Variants in STK31 observed in about 807,000 individuals in gnomAD.
The protein encoded by STK31 is serine/threonine kinase 31.
STK31 carries 89 observed loss-of-function variants against 129.7 expected under a neutral mutation model. That is an observed-to-expected ratio of 0.69 (90% confidence interval 0.58 to 0.82). The LOEUF (loss-of-function observed/expected upper bound fraction) is 0.82, where lower values mean the gene tolerates loss of function less well. STK31 is among the 40% of genes least tolerant of loss of function. STK31 has a pLI of 0.00. For synonymous variants in STK31, 448 were observed against 395.3 expected, an observed-to-expected ratio of 1.13 and a Z score of -1.58; for missense variants, 1,187 against 1,176.4, an observed-to-expected ratio of 1.01 and a Z score of -0.13.
chr7:23,733,411 G>A (rs933287093), intron 6 of STK31, among the ~76,000 whole-genome samples: 2 of 107,976 alleles, frequency 1.9e-5, no homozygotes, highest in African/African-American at 7.2e-5. Context: ...TTTTTTTTTT[G>A]GGTAGTGATA....
intron 22 of STK31, among the ~76,000 whole-genome samples, chr7:23,793,813 A>G (rs1290401779): frequency 6.6e-6 from 1 of 152,214 alleles, no homozygotes; most frequent in East Asian, 1.9e-4. Flanking sequence ...ACTTTGAAAA[A>G]CATTTGGCAG....
At chr7:23,825,279 T>C (rs1444840751) in intron 23 of STK31, among the ~76,000 whole-genome samples, 11 of 152,356 alleles carry the variant, frequency 7.2e-5, no homozygotes, top group Middle Eastern at 3.4e-3. Context: ...TTTCAGAGCC[T>C]GTTATTGGTC....
intron 8 of STK31, among the ~76,000 whole-genome samples, chr7:23,744,011 C>G (rs1476882453): frequency 2.0e-5 from 3 of 151,906 alleles, no homozygotes; most frequent in Non-Finnish European, 4.4e-5. Flanking sequence ...CCTCCAACTT[C>G]TGTGCTCAAT....
At chr7:23,730,878 A>ATATATATATATATATATATATT in intron 6 of STK31, among the ~76,000 whole-genome samples, 5 of 59,546 alleles carry the variant, frequency 8.4e-5, no homozygotes, top group Non-Finnish European at 1.3e-4. Context: ...ATATATATAT[A>ATATATATATATATATATATATT]TTTTTTTTTT....
At chr7:23,788,242 T>A in intron 21 of STK31, 113 bp downstream of exon 21, 1 of 950,158 alleles carries the variant, frequency 1.1e-6, no homozygotes, top group African/African-American at 1.7e-5. Flanking sequence ...TGTCTTCAGT[T>A]AAACTGTGTC....
chr7:23,728,285 A>T (rs1278470112), intron 5 of STK31, among the ~76,000 whole-genome samples: 1 of 151,900 alleles, frequency 6.6e-6, no homozygotes, highest in East Asian at 1.9e-4. Context: ...TGAACCAGGG[A>T]AAGTGGTTCA....
chr7:23,766,699 T>C (rs1431587288), intron 11 of STK31, among the ~76,000 whole-genome samples: 1 of 152,208 alleles, frequency 6.6e-6, no homozygotes, highest in African/African-American at 2.4e-5. Context: ...GCCAGTTCAG[T>C]CTGAGGTTTT....
At chr7:23,786,007 A>G (rs1791259466) in intron 18 of STK31, among the ~76,000 whole-genome samples, 1 of 152,104 alleles carries the variant, frequency 6.6e-6, no homozygotes, top group African/African-American at 2.4e-5. Context: ...AAAAATAAGT[A>G]TATAAAAGTC....
chr7:23,799,876 T>C (rs546966064), intron 22 of STK31, among the ~76,000 whole-genome samples: 1 of 152,184 alleles, frequency 6.6e-6, no homozygotes, highest in East Asian at 1.9e-4. Context: ...TACAAAGAAC[T>C]GAAACACATT....
At chr7:23,807,542 T>C (rs182046903) in intron 22 of STK31, among the ~76,000 whole-genome samples, 14 of 152,290 alleles carry the variant, frequency 9.2e-5, no homozygotes, top group African/African-American at 3.4e-4. Context: ...GTTTATTCTG[T>C]TTGAGGTTTT....
chr7:23,731,076 G>T (rs910093656), intron 6 of STK31, among the ~76,000 whole-genome samples: 1 of 151,222 alleles, frequency 6.6e-6, no homozygotes. Context: ...TAGAGGTGGG[G>T]TTTCACCATG....
chr7:23,830,846 C>T (rs1308299920), intron 23 of STK31, among the ~76,000 whole-genome samples: 1 of 152,120 alleles, frequency 6.6e-6, no homozygotes. Context: ...TCTCAAACTC[C>T]TGACCTTAAG....
In STK31 at chr7:23,785,511, C is replaced by T. The variant is rs767028140; in HGVS notation, c.2182C>T (p.Arg728Ter). ...TGGTCTCCTTACAATGAGCTTGGAACGAGATCTTCTTGATGCTGAGCCCAT... is the reference window on the plus strand; with the variant it reads ...TGGTCTCCTTACAATGAGCTTGGAATGAGATCTTCTTGATGCTGAGCCCAT... ...SGGLLTMSLE[R>*]DLLDAEPMKE... The change falls in exon 18 of 24, where the codon CGA (arginine) becomes TGA (stop). Residue 728 changes from arginine (R) to a stop codon, truncating the protein, a stop_gained. Coordinates refer to ENST00000355870, the MANE Select transcript of STK31 (RefSeq NM_031414.5). LOFTEE classifies it high-confidence loss of function. 1.5e-5 allele frequency: 25 copies of T among 1,613,726 alleles called. No individual in the cohort carries two copies. Among genetic ancestry groups the T allele is most frequent in the East Asian group, 4.5e-5 (2 of 44,866 alleles).
intron 8 of STK31, among the ~76,000 whole-genome samples, chr7:23,748,420 C>T (rs150052181): frequency 6.6e-6 from 1 of 152,130 alleles, no homozygotes; most frequent in African/African-American, 2.4e-5. Context: ...GTATATTCTG[C>T]TGTTATTGGA....
rs142595754 is a variant in STK31, at chr7:23,822,308, T to A, written c.2829+7096T>A. On this transcript the variant is annotated intron_variant, in intron 23 of 23. Coordinates refer to ENST00000355870, the MANE Select transcript of STK31 (RefSeq NM_031414.5). ...ATTTGTTAGTGTCCTTTTCAGTTTC[T>A]TTCATCAGTGTTTTGTAGCTTTCTT... Among the ~76,000 whole-genome samples the A allele has an allele frequency of 1.7e-3, 259 of 152,278 alleles. 1 individual carries two copies. Among genetic ancestry groups the A allele is most frequent in the African/African-American group, 6.0e-3 (248 of 41,568 alleles).
chr7:23,713,947 G>A (rs1053582742), intron 3 of STK31, among the ~76,000 whole-genome samples: 3 of 152,032 alleles, frequency 2.0e-5, no homozygotes, highest in African/African-American at 7.2e-5. Flanking sequence ...AATTGTATGT[G>A]CTGTGCTTTT....
chr7:23,730,872 A>ATTTTTTTTTTTTTTTTTTT, intron 6 of STK31, among the ~76,000 whole-genome samples: 1 of 56,130 alleles, frequency 1.8e-5, no homozygotes, highest in Non-Finnish European at 3.6e-5. Flanking sequence ...ATATATATAT[A>ATTTTTTTTTTTTTTTTTTT]TATATATTTT....
intron 6 of STK31, among the ~76,000 whole-genome samples, 192 bp downstream of exon 6, chr7:23,729,441 A>T (rs953652724): frequency 6.6e-6 from 1 of 152,098 alleles, no homozygotes; most frequent in Non-Finnish European, 1.5e-5. Flanking sequence ...GATAAGAATG[A>T]CATACACATA....
At chr7:23,731,395 T>C (rs1787425438) in intron 6 of STK31, among the ~76,000 whole-genome samples, 1 of 152,192 alleles carries the variant, frequency 6.6e-6, no homozygotes, top group Non-Finnish European at 1.5e-5. Flanking sequence ...TGTGGTGTTT[T>C]AGTCACTCCG....
Sources: gnomAD v4.1 joint callset for allele counts (sites outside exome capture counted in the v4.1 genomes callset) on GRCh38, gnomAD v4.1.1 for gene constraint, MANE v1.5 for transcripts, NCBI Gene and HGNC (gene_info 2026-07-23, HGNC 2026-07-21) for gene names.